The following NRXN3 variants were observed in gnomAD, a reference collection of about 807,000 sequenced individuals.
NRXN3 encodes neurexin 3.
NRXN3 carries 32 observed loss-of-function variants against 137.6 expected under a neutral mutation model. The observed-to-expected ratio is 0.23, with a 90% CI of 0.18 to 0.31. The LOEUF is 0.31. Ranked by LOEUF, NRXN3 falls within the 10% of genes least tolerant of loss-of-function variation. The pLI is 1.00. For synonymous variants in NRXN3, 798 were observed against 784.5 expected, an observed-to-expected ratio of 1.02 and a Z score of -0.29; for missense variants, 1,574 against 2,062.5, an observed-to-expected ratio of 0.76 and a Z score of 4.59.
At chr14:79,137,439 C>T (rs72687493) in intron 15 of NRXN3, among the ~76,000 whole-genome samples, 4 of 115,528 alleles carry the variant, frequency 3.5e-5, no homozygotes, top group Non-Finnish European at 7.2e-5. Context: ...ACATACACCC[C>T]GCCTAAAAAC....
At chr14:78,475,561 A>C (rs574824777) in intron 4 of NRXN3, among the ~76,000 whole-genome samples, 2 of 152,338 alleles carry the variant, frequency 1.3e-5, no homozygotes, top group East Asian at 3.9e-4. Context: ...GGCATTAATG[A>C]GTGTCTGACT....
At chr14:79,844,146 A>G (rs1180739337) in intron 20 of NRXN3, among the ~76,000 whole-genome samples, 4 of 151,980 alleles carry the variant, frequency 2.6e-5, no homozygotes, top group Admixed American at 2.6e-4. Context: ...GTTTTATCAT[A>G]ACATTACAGC....
intron 15 of NRXN3, among the ~76,000 whole-genome samples, chr14:79,055,017 G>A (rs2152608186): frequency 6.6e-6 from 1 of 152,300 alleles, no homozygotes; most frequent in African/African-American, 2.4e-5. Flanking sequence ...GCATTCCCAA[G>A]TGCACTGTGT....
At chr14:78,457,415 A>G (rs777282032) in intron 4 of NRXN3, among the ~76,000 whole-genome samples, 1 of 152,058 alleles carries the variant, frequency 6.6e-6, no homozygotes, top group South Asian at 2.1e-4. Context: ...AGGCCCCCTC[A>G]CTTCGTTATT....
chr14:78,977,306 C>T (rs780762195), intron 14 of NRXN3, among the ~76,000 whole-genome samples: 6 of 152,128 alleles, frequency 3.9e-5, no homozygotes, highest in Non-Finnish European at 7.4e-5. Flanking sequence ...AACACCATTT[C>T]GAAAAGTTCT....
chr14:79,406,348 A>G (rs1381360934), intron 15 of NRXN3, among the ~76,000 whole-genome samples: 1 of 145,736 alleles, frequency 6.9e-6, no homozygotes, highest in Non-Finnish European at 1.5e-5. Context: ...TCTGTCACCC[A>G]GGCTGCAGTA....
At chr14:78,621,800 C>T (rs1232586486) in intron 4 of NRXN3, among the ~76,000 whole-genome samples, 1 of 152,166 alleles carries the variant, frequency 6.6e-6, no homozygotes, top group Admixed American at 6.5e-5. Flanking sequence ...AAACTACTGA[C>T]ACTTTCAAGC....
chr14:79,027,378 C>T (rs560009961), intron 15 of NRXN3, among the ~76,000 whole-genome samples: 23 of 151,928 alleles, frequency 1.5e-4, no homozygotes, highest in South Asian at 2.1e-4. Context: ...CTGAAGATGA[C>T]GGGAAGTTAA....
intron 4 of NRXN3, among the ~76,000 whole-genome samples, chr14:78,523,641 T>TAAAAA (rs2096321318): frequency 5.7e-5 from 1 of 17,440 alleles, no homozygotes; most frequent in Non-Finnish European, 1.4e-4. Flanking sequence ...CTACTACAAA[T>TAAAAA]ACAAAAAAAA....
chr14:78,235,280 A>G (rs1011406187), intron 1 of NRXN3, among the ~76,000 whole-genome samples: 5 of 151,844 alleles, frequency 3.3e-5, no homozygotes, highest in African/African-American at 1.2e-4. Flanking sequence ...GTGTCAGTTC[A>G]TCTACACACA....
chr14:79,070,503 G>A (rs554938737), intron 15 of NRXN3, among the ~76,000 whole-genome samples: 1 of 152,216 alleles, frequency 6.6e-6, no homozygotes, highest in East Asian at 1.9e-4. Flanking sequence ...GGAAAATGTT[G>A]TCCAATATTC....
chr14:79,594,157 G>C (rs1313062659), intron 16 of NRXN3, among the ~76,000 whole-genome samples: 1 of 152,150 alleles, frequency 6.6e-6, no homozygotes, highest in Admixed American at 6.5e-5. Context: ...GTTGAAAAGT[G>C]AAACATCCTT....
In NRXN3 at chr14:78,896,109, CCATCAA is replaced by C. The variant is rs1054314341; in HGVS notation, c.2276-61132_2276-61127del. Among the ~76,000 whole-genome samples, 21 of 151,912 alleles carry C rather than the reference CCATCAA, an allele frequency of 1.4e-4. No homozygotes were observed. The East Asian group carries it at 2.9e-3, about 21-fold the overall frequency. ...TTGCTCAACCAACGGTTGCCCCAAACCATCAATTTGTTTTTAAAAATGCAATTGTTG... is the reference window on the plus strand; with the variant it reads ...TTGCTCAACCAACGGTTGCCCCAAACTTTGTTTTTAAAAATGCAATTGTTG... On this transcript the variant is annotated intron_variant, in intron 10 of 20. Transcript: ENST00000335750.
intron 4 of NRXN3, among the ~76,000 whole-genome samples, chr14:78,569,130 G>T (rs1340453078): frequency 6.6e-6 from 1 of 151,480 alleles, no homozygotes; most frequent in Non-Finnish European, 1.5e-5. Context: ...ACCACGCCTG[G>T]CTAATTTTTT....
In NRXN3 at chr14:79,460,931, G is replaced by A. The variant is rs763546385; in HGVS notation, c.3263-6290G>A. 1.2e-4 allele frequency among the ~76,000 whole-genome samples: 19 copies of A among 152,122 alleles called. 1 individual carries two copies. Among genetic ancestry groups the A allele is most frequent in the South Asian group, 6.2e-4 (3 of 4,822 alleles). ...TGCATTCAATGTTGCTTTATTTAAG[G>A]CTGCTTTATCATCAGTTCTGGTGTT... On this transcript the variant is annotated intron_variant, in intron 15 of 20. Coordinates refer to ENST00000335750, the MANE Select transcript of NRXN3 (RefSeq NM_001330195.2).
chr14:79,462,501 A>ATG (rs2096358897), intron 15 of NRXN3, among the ~76,000 whole-genome samples: 2 of 133,192 alleles, frequency 1.5e-5, no homozygotes, highest in Non-Finnish European at 3.2e-5. Context: ...TGATATATAT[A>ATG]TATACACACA....
intron 4 of NRXN3, among the ~76,000 whole-genome samples, chr14:78,379,511 A>G (rs1214136537): frequency 1.3e-5 from 2 of 152,238 alleles, no homozygotes; most frequent in African/African-American, 4.8e-5. Flanking sequence ...AAGAAAAATC[A>G]TGTGATTATA....
At chr14:78,483,497 A>G (rs1177703516) in intron 4 of NRXN3, among the ~76,000 whole-genome samples, 1 of 152,172 alleles carries the variant, frequency 6.6e-6, no homozygotes. Context: ...AACTACTAAT[A>G]ATCCTTACTA....
chr14:79,800,498 G>A (rs756322955), intron 19 of NRXN3, among the ~76,000 whole-genome samples: 4 of 152,128 alleles, frequency 2.6e-5, no homozygotes, highest in Non-Finnish European at 4.4e-5. Context: ...TTTCTTCTAA[G>A]TAATTAAAAG....
Sources: gnomAD v4.1 joint callset for allele counts (sites outside exome capture counted in the v4.1 genomes callset) on GRCh38, gnomAD v4.1.1 for gene constraint, MANE v1.5 for transcripts, NCBI Gene and HGNC (gene_info 2026-07-23, HGNC 2026-07-21) for gene names.